ART1: variants seen among roughly 807,000 people sequenced by gnomAD.
ART1 encodes GPI-linked NAD(P)(+)--arginine ADP-ribosyltransferase 1.
A neutral mutation model predicts 27.0 loss-of-function variants in ART1; 29 were observed. The ratio of observed to expected loss-of-function variants is 1.08; its 90% CI spans 0.80 to 1.47. ART1 has a LOEUF of 1.47. Ranked by LOEUF, ART1 falls within the 40% of genes most tolerant of loss-of-function variation. The pLI, the probability that ART1 is intolerant of heterozygous loss-of-function variation, is 0.00. For synonymous variants in ART1, 201 were observed against 172.2 expected, an observed-to-expected ratio of 1.17 and a Z score of -1.31; for missense variants, 480 against 423.0, an observed-to-expected ratio of 1.13 and a Z score of -1.18.
chr11:3,660,349 G>T lies in ART1; in HGVS notation c.830G>T (p.Cys277Phe). ...RALGKHSTYN[C>F]EYIKDKKCKS... is the part of the protein sequence containing the mutation. ...CTGGGCAAGCACAGCACCTACAACT[G>T]CGAGTACATCAAAGGTAGGAGGGCA... Residue 277 changes from cysteine to phenylalanine, a missense_variant, in exon 3 of 5, where the codon TGC (cysteine) becomes TTC (phenylalanine). By Grantham distance (205) the Cys-to-Phe change is radical (BLOSUM62 -2). Coordinates refer to ENST00000250693, the MANE Select transcript of ART1 (RefSeq NM_004314.3). The T allele has an allele frequency of 1.9e-6, 3 of 1,601,400 alleles. No individual in the cohort carries two copies. The highest frequency in any genetic ancestry group is 2.5e-6 in the Non-Finnish European group (3 of 1,178,650).
At chr11:3,657,929 G>A (rs952151238) in intron 1 of ART1, among the ~76,000 whole-genome samples, 8 of 152,152 alleles carry the variant, frequency 5.3e-5, no homozygotes, top group African/African-American at 1.7e-4. Flanking sequence ...GCCATTATGT[G>A]AGCAGGGAGA....
Position 3,660,120 on chromosome 11 carries a change from G to T in ART1, c.601G>T (p.Ala201Ser), listed in dbSNP as rs751530347. The change falls in exon 3 of 5, where the codon GCT becomes TCT. Residue 201 changes from alanine to serine, a missense_variant. Physicochemically the swap from Ala to Ser is moderately conservative, Grantham distance 99. Coordinates refer to ENST00000250693, the MANE Select transcript of ART1 (RefSeq NM_004314.3). ...PRATVRLGGF[A>S]SASLKHVAAQ... is the part of the protein sequence containing the mutation. ...GGCCACCGTGAGGCTGGGGGGCTTT[G>T]CTTCTGCCTCCCTGAAGCATGTTGC... The T allele has an allele frequency of 6.2e-7, 1 of 1,613,868 alleles. No homozygotes were observed. Among genetic ancestry groups the T allele is most frequent in the South Asian group, 1.1e-5 (1 of 91,076 alleles).
chr11:3,664,006 C>T, intron 4 of ART1, 86 bp from the exon 5 acceptor site: 1 of 1,262,010 alleles, frequency 7.9e-7, no homozygotes. Flanking sequence ...CTTGTATCTG[C>T]ATGTCCCCAC....
chr11:3,661,289 G>A, intron 3 of ART1, 83 bp from the exon 4 acceptor site: 1 of 1,288,376 alleles, frequency 7.8e-7, no homozygotes, highest in Non-Finnish European at 1.1e-6. Context: ...GAACAAGTCA[G>A]GGATGGACTA....
At chr11:3,650,845 C>T (rs573070749) in intron 1 of ART1, among the ~76,000 whole-genome samples, 1 of 128,220 alleles carries the variant, frequency 7.8e-6, no homozygotes, top group African/African-American at 2.7e-5. Context: ...TATAAGGCAC[C>T]TCTACTTCCT....
In ART1 at chr11:3,660,198, G is replaced by A. The variant is rs748952979; in HGVS notation, c.679G>A (p.Ala227Thr). ...TFFGIWTCLG[A>T]PIKGYSFFPG... ...CTTCGGCATCTGGACCTGCCTTGGG[G>A]CCCCTATCAAGGGCTACTCCTTCTT... Residue 227 changes from alanine (A) to threonine (T), a missense_variant, in exon 3 of 5, where the codon GCC becomes ACC. Transcript: ENST00000250693. The A allele has an allele frequency of 1.4e-5, 22 of 1,613,912 alleles. No individual in the cohort carries two copies. The highest frequency in any genetic ancestry group is 1.6e-5 in the Non-Finnish European group (19 of 1,180,038).
At position 3,656,378 on chromosome 11, in the gene ART1, A is replaced by G. The variant is rs996186155; in HGVS notation, c.-52-2784A>G. ...GGCTTATTTATTTATTTATTTATTTATTTATTTATTTTTTAAATTTTTGAG... is the reference window on the plus strand; with the variant it reads ...GGCTTATTTATTTATTTATTTATTTGTTTATTTATTTTTTAAATTTTTGAG... On this transcript the variant is annotated intron_variant, in intron 1 of 4. Transcript: ENST00000250693. Among the ~76,000 whole-genome samples, 2 of 124,194 alleles carry G rather than the reference A, an allele frequency of 1.6e-5. 1 individual carries two copies. The highest frequency in any genetic ancestry group is 3.7e-5 in the Non-Finnish European group (2 of 54,286). The allele number at this position is 124,194 out of a possible 152,430, so 81.5% of individuals were successfully genotyped here. A position where few individuals can be genotyped will look rare whatever the true frequency, so the allele number is the denominator to read the frequency against.
intron 1 of ART1, among the ~76,000 whole-genome samples, chr11:3,647,013 A>G (rs2077473878): frequency 6.6e-6 from 1 of 152,098 alleles, no homozygotes. Flanking sequence ...CCAAAAACAA[A>G]ACAAAACAAA....
At chr11:3,663,109 C>CTCATCTCATCTCA (rs2077635062) in intron 4 of ART1, among the ~76,000 whole-genome samples, 2 of 133,792 alleles carry the variant, frequency 1.5e-5, no homozygotes, top group African/African-American at 5.8e-5. Context: ...CTCATCTCAT[C>CTCATCTCATCTCA]TCATCTCATC....
chr11:3,647,334 C>CAA (rs1266246028), intron 1 of ART1, among the ~76,000 whole-genome samples: 1 of 130,276 alleles, frequency 7.7e-6, no homozygotes, highest in Non-Finnish European at 1.6e-5. Context: ...AAAAACAAAA[C>CAA]AAAACAAAAA....
intron 1 of ART1, among the ~76,000 whole-genome samples, chr11:3,647,244 C>A (rs969561620): frequency 1.3e-5 from 2 of 151,996 alleles, no homozygotes; most frequent in Non-Finnish European, 2.9e-5. Flanking sequence ...ATTGCTTGAA[C>A]CCGGGAGGCA....
chr11:3,652,124 C>G (rs944013095), intron 1 of ART1, among the ~76,000 whole-genome samples: 9 of 150,942 alleles, frequency 6.0e-5, no homozygotes, highest in Non-Finnish European at 1.2e-4. Flanking sequence ...ACACATCAAG[C>G]TCGAGGATTT....
At chr11:3,656,584 G>A (rs1589922387) in intron 1 of ART1, among the ~76,000 whole-genome samples, 2 of 151,924 alleles carry the variant, frequency 1.3e-5, no homozygotes, top group African/African-American at 2.4e-5. Context: ...GTTTCACCAC[G>A]TTGGCCAGGC....
chr11:3,655,761 C>G (rs983971949), intron 1 of ART1: 3 of 152,050 alleles, frequency 2.0e-5, no homozygotes, highest in Non-Finnish European at 1.5e-5. Flanking sequence ...ATGGTCAAAG[C>G]CTTAGGGCAC....
chr11:3,656,026 A>T (rs1260594470), intron 1 of ART1, among the ~76,000 whole-genome samples: 1 of 139,070 alleles, frequency 7.2e-6, no homozygotes, highest in Non-Finnish European at 1.5e-5. Flanking sequence ...TCCACCTCCC[A>T]GGTTCAAGAG....
intron 1 of ART1, among the ~76,000 whole-genome samples, chr11:3,654,943 C>T (rs1227803937): frequency 1.3e-5 from 2 of 152,244 alleles, no homozygotes; most frequent in Non-Finnish European, 2.9e-5. Context: ...GCTGTGGAGA[C>T]ACAATGAGAG....
intron 1 of ART1, among the ~76,000 whole-genome samples, chr11:3,647,882 T>C (rs2077482435): frequency 6.7e-6 from 1 of 149,226 alleles, no homozygotes; most frequent in Admixed American, 6.7e-5. Context: ...AGCAGGACAC[T>C]CTGCAGTCAT....
In ART1 at chr11:3,659,161, G is replaced by A; in HGVS notation, c.-52-1G>A. On this transcript the variant is annotated splice_acceptor_variant, in intron 1 of 4. Transcript: ENST00000250693. LOFTEE classifies it low-confidence loss of function (5UTR_SPLICE). ...TACAGATTAACACTGCAATTTTCCA[G>A]ATGAGGAAACTGAGACCCAAAAAGA... is the stretch of plus-strand genomic sequence containing the variant. The A allele has an allele frequency of 6.4e-7, 1 of 1,567,674 alleles. No homozygotes were observed. Among genetic ancestry groups the A allele is most frequent in the Non-Finnish European group, 8.8e-7 (1 of 1,138,902 alleles).
intron 1 of ART1, among the ~76,000 whole-genome samples, chr11:3,650,143 CT>C: frequency 6.6e-6 from 1 of 152,236 alleles, no homozygotes; most frequent in East Asian, 1.9e-4. Context: ...CACACAAGAA[CT>C]TCCACACGCC....
Sources: allele counts gnomAD v4.1 joint callset (sites outside exome capture counted in the v4.1 genomes callset), GRCh38; gene constraint gnomAD v4.1.1; transcripts MANE v1.5; gene names NCBI Gene and HGNC (gene_info 2026-07-23, HGNC 2026-07-21).